Variants in TTL observed in about 807,000 individuals in gnomAD.
TTL encodes tubulin tyrosine ligase, also known as tubulin--tyrosine ligase.
A neutral mutation model predicts 41.1 loss-of-function variants in TTL; 10 were observed. That is an observed-to-expected ratio of 0.24 (90% CI 0.15 to 0.41). The LOEUF is 0.41. TTL is among the 10% of genes least tolerant of loss of function. The probability of loss-of-function intolerance (pLI) is 1.00; values close to 1 mark genes in which losing one functional copy is unlikely to be tolerated. For missense variants in TTL, 367 were observed against 460.4 expected (o/e 0.80, Z 1.86); for synonymous variants, 175 against 175.5 (o/e 1.00, Z 0.02).
intron 2 of TTL, among the ~76,000 whole-genome samples, chr2:112,493,861 G>A (rs564992026): frequency 3.9e-5 from 6 of 152,236 alleles, no homozygotes; most frequent in South Asian, 4.1e-4. Context: ...GATTGTGTCC[G>A]GTTAAGTTTC....
chr2:112,483,340 G>C (rs11891971), intron 1 of TTL: 18,901 of 152,170 alleles, frequency 0.12, 1,354 homozygotes, highest in African/African-American at 0.17. Flanking sequence ...AAGTTGCCCA[G>C]ATCGGTTCAA....
At position 112,538,989 on chromosome 2, in the gene TTL, C is replaced by T. The variant is rs529665443; in HGVS notation, c.*10194C>T. 2 of 150,862 alleles carry T rather than the reference C, an allele frequency of 1.3e-5. No homozygotes were observed. The highest frequency in any genetic ancestry group is 2.0e-4 in the East Asian group (1 of 5,100). 9.3% of individuals were successfully genotyped at this position (150,862 alleles called of 1,614,324 possible). A position where few individuals can be genotyped will look rare whatever the true frequency, so the allele number is the denominator to read the frequency against. On this transcript the variant is annotated 3_prime_UTR_variant, in exon 7 of 7. Transcript: ENST00000233336. ...AAAATTAGCCGGGCGTGGTAGCAGG[C>T]GCCTGTAATCCCAGCTACTCAGGAG...
chr2:112,522,090 C>G (rs1682252794), intron 6 of TTL: 1 of 152,424 alleles, frequency 6.6e-6, no homozygotes. Context: ...ACCTTTTTCC[C>G]TCTCTGATGC....
rs1682657755 is a variant in TTL, at chr2:112,539,062, A to G, written c.*10267A>G. ...AACCTGGAAGGCGGAGGTTGCAGTGAGCCGAGATTGCGCCACTGCACTCCA... is the reference window on the plus strand; with the variant it reads ...AACCTGGAAGGCGGAGGTTGCAGTGGGCCGAGATTGCGCCACTGCACTCCA... On this transcript the variant is annotated 3_prime_UTR_variant, in exon 7 of 7. Transcript: ENST00000233336. 6.9e-6 allele frequency: 1 copy of G among 145,616 alleles called. No homozygotes were observed. Among genetic ancestry groups the G allele is most frequent in the Non-Finnish European group, 1.5e-5 (1 of 66,950 alleles). The allele number at this position is 145,616 out of a possible 1,614,324, so 9.0% of individuals were successfully genotyped here.
chr2:112,520,663 T>C (rs577264100), intron 6 of TTL: 14 of 491,840 alleles, frequency 2.8e-5, no homozygotes, highest in Non-Finnish European at 4.7e-5. Flanking sequence ...CCCAGCACTT[T>C]GGGAGGCCAA....
chr2:112,494,059 C>G, intron 2 of TTL, 84 bp from the exon 3 acceptor site: 1 of 1,041,766 alleles, frequency 9.6e-7, no homozygotes, highest in Middle Eastern at 2.2e-4. Flanking sequence ...CCCGGAAAGT[C>G]TCTGGGGGAA....
chr2:112,507,012 G>T (rs376583996), intron 5 of TTL, among the ~76,000 whole-genome samples: 1 of 81,322 alleles, frequency 1.2e-5, no homozygotes, highest in African/African-American at 5.1e-5. Flanking sequence ...TCTGGTATGT[G>T]GTGTCTTTGT....
At position 112,535,304 on chromosome 2, in the gene TTL, C is replaced by T. The variant is rs1176690969; in HGVS notation, c.*6509C>T. The T allele has an allele frequency of 6.6e-6, 1 of 151,622 alleles. No individual in the cohort carries two copies. The highest frequency in any genetic ancestry group is 1.5e-5 in the Non-Finnish European group (1 of 67,940). The allele number at this position is 151,622 out of a possible 1,614,324, so 9.4% of individuals were successfully genotyped here. ...AAAAATGATCAGTGCTTCAGACACC[C>T]GTCAGACACCATCAAACATACCAAC... is the stretch of plus-strand genomic sequence containing the variant. On this transcript the variant is annotated 3_prime_UTR_variant, in exon 7 of 7. Coordinates refer to ENST00000233336, the MANE Select transcript of TTL (RefSeq NM_153712.5).
chr2:112,500,480 A>G (rs1459730548), intron 3 of TTL, among the ~76,000 whole-genome samples: 3 of 152,174 alleles, frequency 2.0e-5, no homozygotes, highest in African/African-American at 4.8e-5. Flanking sequence ...CTGAGGCAGG[A>G]GAATTGCTTG....
chr2:112,494,266 C>T lies in TTL; in HGVS notation c.360C>T (p.Ile120=). The T allele has an allele frequency of 6.2e-7, 1 of 1,614,158 alleles. No individual in the cohort carries two copies. Among genetic ancestry groups the T allele is most frequent in the Non-Finnish European group, 8.5e-7 (1 of 1,180,006 alleles). ...CACAGAATGGAATTCAGCCACCAAT[C>T]AGTAACTCAAGGACAGATGAAAGAG... is the stretch of plus-strand genomic sequence containing the variant. ...APAQNGIQPP[I]SNSRTDEREF... The change falls in exon 3 of 7, where the codon ATC becomes ATT. Residue 120 remains isoleucine, a synonymous_variant. Coordinates refer to ENST00000233336, the MANE Select transcript of TTL (RefSeq NM_153712.5).
intron 6 of TTL, among the ~76,000 whole-genome samples, chr2:112,521,795 G>A (rs1035992787): frequency 6.6e-6 from 1 of 152,222 alleles, no homozygotes; most frequent in African/African-American, 2.4e-5. Flanking sequence ...AATTACAAGC[G>A]AGGACAAGTG....
chr2:112,521,756 T>C (rs1461787380), intron 6 of TTL, among the ~76,000 whole-genome samples: 1 of 152,160 alleles, frequency 6.6e-6, no homozygotes, highest in East Asian at 1.9e-4. Flanking sequence ...GGGGAGAGAC[T>C]GTGAGCAGAC....
chr2:112,517,288 C>T (rs1167490255), intron 5 of TTL, among the ~76,000 whole-genome samples: 1 of 152,012 alleles, frequency 6.6e-6, no homozygotes, highest in Non-Finnish European at 1.5e-5. Flanking sequence ...TGGTCTGTCA[C>T]CCAGGCTGAA....
At chr2:112,485,406 A>G (rs1681214493) in intron 1 of TTL, among the ~76,000 whole-genome samples, 1 of 152,202 alleles carries the variant, frequency 6.6e-6, no homozygotes, top group Admixed American at 6.5e-5. Flanking sequence ...GATTTTGTAG[A>G]CATGGCCTCT....
chr2:112,518,595 A>C (rs1682135830), intron 5 of TTL, among the ~76,000 whole-genome samples: 1 of 152,022 alleles, frequency 6.6e-6, no homozygotes, highest in South Asian at 2.1e-4. Context: ...TATTAAAGTC[A>C]TGAGTCAAAA....
intron 5 of TTL, among the ~76,000 whole-genome samples, chr2:112,518,979 C>T (rs780962990): frequency 6.6e-6 from 1 of 151,904 alleles, no homozygotes; most frequent in Non-Finnish European, 1.5e-5. Flanking sequence ...CCGGCTGGCC[C>T]CTGTATCTTT....
chr2:112,521,264 C>T (rs1682218673), intron 6 of TTL: 1 of 985,392 alleles, frequency 1.0e-6, no homozygotes. Flanking sequence ...TGAGAACCTG[C>T]TCTCCGGAAC....
At chr2:112,483,310 T>A (rs1681147275) in intron 1 of TTL, 1 of 152,154 alleles carries the variant, frequency 6.6e-6, no homozygotes, top group Admixed American at 6.5e-5. Flanking sequence ...AGCGGCTCCT[T>A]TGTAAGTGAT....
At chr2:112,495,304 C>T (rs934063886) in intron 3 of TTL, among the ~76,000 whole-genome samples, 4 of 152,208 alleles carry the variant, frequency 2.6e-5, no homozygotes, top group African/African-American at 9.7e-5. Flanking sequence ...CTGACATTAA[C>T]CTTTTCCTGG....
Sources: allele counts gnomAD v4.1 joint callset (sites outside exome capture counted in the v4.1 genomes callset), GRCh38; gene constraint gnomAD v4.1.1; transcripts MANE v1.5; gene names NCBI Gene and HGNC (gene_info 2026-07-23, HGNC 2026-07-21).